Variants in AXDND1 observed in about 807,000 individuals in gnomAD.
AXDND1 encodes axonemal dynein light chain domain containing 1.
AXDND1 carries 110 observed loss-of-function variants against 137.5 expected under a neutral mutation model. The ratio of observed to expected loss-of-function variants is 0.80; its 90% CI spans 0.69 to 0.94. The LOEUF (loss-of-function observed/expected upper bound fraction) is 0.94. Among genes scored for constraint, AXDND1 ranks in the 40% least tolerant of loss-of-function variants. AXDND1 has a pLI of 0.00. For missense variants in AXDND1, 1,191 were observed against 1,169.8 expected (o/e 1.02, Z -0.26); for synonymous variants, 414 against 399.7 (o/e 1.04, Z -0.43).
intron 17 of AXDND1, among the ~76,000 whole-genome samples, chr1:179,480,723 T>C (rs1052377603): frequency 6.6e-5 from 10 of 151,970 alleles, no homozygotes; most frequent in African/African-American, 2.2e-4. Context: ...CTTTGGTTGC[T>C]ACCCCCCTCT....
At chr1:179,432,628 G>C (rs1305144093) in intron 15 of AXDND1, among the ~76,000 whole-genome samples, 1 of 152,172 alleles carries the variant, frequency 6.6e-6, no homozygotes, top group Non-Finnish European at 1.5e-5. Context: ...GTTTCACCAT[G>C]TTGGCCAGGA....
At chr1:179,408,968 C>CTTTTTTTTTT (rs74384865) in intron 11 of AXDND1, among the ~76,000 whole-genome samples, 3 of 126,402 alleles carry the variant, frequency 2.4e-5, no homozygotes, top group African/African-American at 6.2e-5. Context: ...TTTTTTCTTT[C>CTTTTTTTTTT]TTTTTTTTTT....
chr1:179,543,672 G>A (rs1421365775), intron 25 of AXDND1: 1 of 152,060 alleles, frequency 6.6e-6, no homozygotes, highest in Admixed American at 6.6e-5. Context: ...AGGAGGAGAT[G>A]TTCTTTCTCT....
chr1:179,500,079 G>C (rs550247815), intron 20 of AXDND1, among the ~76,000 whole-genome samples: 1 of 152,084 alleles, frequency 6.6e-6, no homozygotes, highest in African/African-American at 2.4e-5. Flanking sequence ...ACGCAAAAGG[G>C]ATTGTTCAAG....
chr1:179,372,584 G>GT (rs1390490480), intron 4 of AXDND1, among the ~76,000 whole-genome samples: 1 of 152,014 alleles, frequency 6.6e-6, no homozygotes, highest in Non-Finnish European at 1.5e-5. Flanking sequence ...GTTTTGTTTT[G>GT]TTTTTTGTTT....
At chr1:179,371,640 T>C (rs12122753) in intron 4 of AXDND1, among the ~76,000 whole-genome samples, 132,474 of 152,072 alleles carry the variant, frequency 0.87, 57,781 homozygotes, top group East Asian at 0.9. Context: ...ATAGATTATC[T>C]TAGATTGTCA....
chr1:179,408,564 A>G (rs1461037493), intron 11 of AXDND1, among the ~76,000 whole-genome samples: 1 of 152,148 alleles, frequency 6.6e-6, no homozygotes, highest in Non-Finnish European at 1.5e-5. Context: ...TACTTTTAGT[A>G]GGATGGGTTT....
intron 11 of AXDND1, among the ~76,000 whole-genome samples, chr1:179,400,997 A>T (rs1242273339): frequency 6.6e-6 from 1 of 151,502 alleles, no homozygotes; most frequent in Non-Finnish European, 1.5e-5. Context: ...GGTGGCTCAC[A>T]CCTGTAATCC....
intron 11 of AXDND1, among the ~76,000 whole-genome samples, chr1:179,404,224 CTT>C (rs71111990): frequency 2.3e-4 from 32 of 136,652 alleles, no homozygotes; most frequent in Non-Finnish European, 2.8e-4. Context: ...TTTTCTTTGT[CTT>C]TTTTTTTTTT....
Position 179,411,164 on chromosome 1 carries a change from T to C in AXDND1, c.1128T>C (p.His376=), listed in dbSNP as rs1036065940. 6.3e-7 allele frequency: 1 copy of C among 1,584,250 alleles called. No individual in the cohort carries two copies. The highest frequency in any genetic ancestry group is 8.6e-7 in the Non-Finnish European group (1 of 1,166,876). The part of the protein sequence containing the change: ...EKNAKIVEEY[H]DLYTLQRERM... ...TTTATAGAATAGTAGAAGAATATCA[T>C]GACTTATATACATTACAAAGAGAAA... is the stretch of plus-strand genomic sequence containing the variant. Residue 376 remains histidine (H), a synonymous_variant, in exon 12 of 26, where the codon CAT becomes CAC. Transcript: ENST00000367618.
At chr1:179,478,599 G>A (rs1664923820) in intron 17 of AXDND1, among the ~76,000 whole-genome samples, 2 of 152,222 alleles carry the variant, frequency 1.3e-5, no homozygotes, top group Admixed American at 6.5e-5. Flanking sequence ...AAGCCTTCAG[G>A]CCTGTGATAG....
intron 25 of AXDND1, chr1:179,543,886 A>G (rs1558326704): frequency 6.6e-6 from 1 of 152,656 alleles, no homozygotes; most frequent in Non-Finnish European, 1.5e-5. Flanking sequence ...AACCCTTAGT[A>G]AATATAAGAT....
chr1:179,436,639 A>G (rs1042923559), intron 15 of AXDND1, among the ~76,000 whole-genome samples: 2 of 152,194 alleles, frequency 1.3e-5, no homozygotes, highest in African/African-American at 4.8e-5. Context: ...GAGTTGAACA[A>G]TGAGCACACA....
At chr1:179,438,952 G>A (rs1658600394) in intron 15 of AXDND1, among the ~76,000 whole-genome samples, 1 of 151,956 alleles carries the variant, frequency 6.6e-6, no homozygotes, top group Non-Finnish European at 1.5e-5. Flanking sequence ...GAAAAGGTGG[G>A]CTAAAGCCTG....
At chr1:179,542,404 G>A (rs112466138) in intron 25 of AXDND1, among the ~76,000 whole-genome samples, 4,577 of 152,134 alleles carry the variant, frequency 0.03, 216 homozygotes, top group African/African-American at 0.1. Flanking sequence ...CTAGGTACAG[G>A]GACATTAACC....
rs554092664 is a variant in AXDND1 at position 179,473,437 on chromosome 1, G to A, written c.1997+4796G>A. On this transcript the variant is annotated intron_variant, in intron 17 of 25. Transcript: ENST00000367618. ...TGCTTGAATCCAAGAGGTGGAGTTT[G>A]CAGTGAGCCGAGATCGCGCCATTGC... Among the ~76,000 whole-genome samples, 8 of 152,220 alleles carry A rather than the reference G, an allele frequency of 5.3e-5. No homozygotes were observed. The East Asian group carries it at 1.5e-3, about 29-fold the overall frequency.
rs1657220731 is a variant in AXDND1, at chr1:179,430,588, A to C, written c.1469A>C (p.Lys490Thr). Residue 490 changes from lysine (K) to threonine (T), a missense_variant, in exon 14 of 26, where the codon AAA becomes ACA. Coordinates refer to ENST00000367618, the MANE Select transcript of AXDND1 (RefSeq NM_144696.6). ...TLKIVKDGLI[K>T]WQEFFNEKDI... is the part of the protein sequence containing the mutation. The stretch of plus-strand genomic sequence containing the variant: ...AAAATTGTTAAGGATGGGCTTATCA[A>C]ATGGCAGGAGTTCTTCAAGTGAGTC... The C allele has an allele frequency of 6.2e-7, 1 of 1,611,598 alleles. No individual in the cohort carries two copies. Among genetic ancestry groups the C allele is most frequent in the Non-Finnish European group, 8.5e-7 (1 of 1,179,386 alleles).
At chr1:179,526,944 C>T (rs955949884) in intron 22 of AXDND1, among the ~76,000 whole-genome samples, 3 of 152,162 alleles carry the variant, frequency 2.0e-5, no homozygotes, top group African/African-American at 7.2e-5. Context: ...ATGGGTTTCA[C>T]TTTAAAGATA....
rs189058984 is a variant in AXDND1 at position 179,373,295 on chromosome 1, A to G, written c.374+3217A>G. Among the ~76,000 whole-genome samples the G allele has an allele frequency of 3.5e-3, 529 of 152,302 alleles. 3 individuals carry two copies. The highest frequency in any genetic ancestry group is 0.012 in the African/African-American group (509 of 41,568). On this transcript the variant is annotated intron_variant, in intron 4 of 25. Transcript: ENST00000367618. ...GAATGTGAAGGACCTCTTCAAGGAG[A>G]ACTACAAACCACTGCTCAACGAAAT...
Sources: allele counts gnomAD v4.1 joint callset (sites outside exome capture counted in the v4.1 genomes callset), GRCh38; gene constraint gnomAD v4.1.1; transcripts MANE v1.5; gene names NCBI Gene and HGNC (gene_info 2026-07-23, HGNC 2026-07-21).